The following RNF157 variants were observed in gnomAD, a reference collection of about 807,000 sequenced individuals.
RNF157 encodes E3 ubiquitin ligase RNF157.
Under a neutral mutation model 88.3 loss-of-function variants are expected in RNF157, and 55 were observed. That is an observed-to-expected ratio of 0.62 (90% CI 0.50 to 0.78). The LOEUF (loss-of-function observed/expected upper bound fraction) is 0.78, where lower values mean the gene tolerates loss of function less well. RNF157 is among the 30% of genes least tolerant of loss of function. The probability of loss-of-function intolerance (pLI) is 0.00; values close to 1 mark genes in which losing one functional copy is unlikely to be tolerated. For synonymous variants in RNF157, 334 were observed against 341.2 expected (o/e 0.98, Z 0.23); for missense variants, 788 against 860.8 (o/e 0.92, Z 1.06).
intron 2 of RNF157, among the ~76,000 whole-genome samples, chr17:76,203,139 C>T (rs772696079): frequency 2.0e-5 from 3 of 151,986 alleles, no homozygotes; most frequent in Non-Finnish European, 4.4e-5. Context: ...TACAGGCATG[C>T]ACCACCATGC....
At position 76,176,954 on chromosome 17, in the gene RNF157, G is replaced by A. The variant is rs4789248; in HGVS notation, c.208-3164C>T. The stretch of plus-strand genomic sequence containing the variant: ...CTCGGGAGGAGGTTCTGCGCAGCCC[G>A]TCTGGGGCTGCGCCCCCAGGTCTGC... On this transcript the variant is annotated intron_variant, in intron 2 of 18. Transcript: ENST00000269391. The surrounding 1 kb of genome is among the most constrained non-coding windows in gnomAD (Gnocchi z 4.2). Among the ~76,000 whole-genome samples, 735 of 152,240 alleles carry A rather than the reference G, an allele frequency of 4.8e-3. 20 individuals carry two copies. The highest frequency in any genetic ancestry group is 0.035 in the Admixed American group (536 of 15,302).
chr17:76,176,293 C>T lies in RNF157; in HGVS notation c.208-2503G>A, dbSNP rs1225773256. On this transcript the variant is annotated intron_variant, in intron 2 of 18. Transcript: ENST00000269391. This position sits in a 1 kb window ranked among gnomAD's most constrained non-coding sequence, Gnocchi z 4.2. ...AAATAAAGGAAGTGATCATTTCTGG[C>T]TGAGGTAATCTGAAGGCTTCATGGA... Among the ~76,000 whole-genome samples, 1 of 152,112 alleles carries T rather than the reference C, an allele frequency of 6.6e-6. No individual in the cohort carries two copies. Among genetic ancestry groups the T allele is most frequent in the Non-Finnish European group, 1.5e-5 (1 of 68,022 alleles).
At position 76,149,859 on chromosome 17, in the gene RNF157, C is replaced by A. The variant is rs1002273829; in HGVS notation, c.1921+2496G>T. Among the ~76,000 whole-genome samples the A allele has an allele frequency of 2.8e-4, 43 of 152,176 alleles. No homozygotes were observed. The East Asian group carries it at 7.9e-3, about 28-fold the overall frequency. On this transcript the variant is annotated intron_variant, in intron 18 of 18. Coordinates refer to ENST00000269391, the MANE Select transcript of RNF157 (RefSeq NM_052916.3). ...GACCACCCTGACCAACATGGTAAAA[C>A]TCCGTCTCTGCTAAAAATACAAAAA...
At chr17:76,212,981 G>A (rs1376783487) in intron 1 of RNF157, among the ~76,000 whole-genome samples, 1 of 152,126 alleles carries the variant, frequency 6.6e-6, no homozygotes, top group Non-Finnish European at 1.5e-5. Flanking sequence ...TCATAGCAGG[G>A]AAAACCCCAG....
At chr17:76,187,884 C>T (rs2069320389) in intron 2 of RNF157, among the ~76,000 whole-genome samples, 1 of 152,136 alleles carries the variant, frequency 6.6e-6, no homozygotes, top group East Asian at 1.9e-4. Flanking sequence ...AAGTGTGAGC[C>T]ACCACGCCCA....
intron 1 of RNF157, chr17:76,226,306 TG>T: frequency 6.2e-7 from 1 of 1,607,788 alleles, no homozygotes; most frequent in Non-Finnish European, 8.5e-7. Flanking sequence ...ACTGGACCCC[TG>T]GGGAAAGGGG....
At chr17:76,201,977 G>A (rs867104251) in intron 2 of RNF157, among the ~76,000 whole-genome samples, 6 of 151,966 alleles carry the variant, frequency 3.9e-5, no homozygotes, top group South Asian at 4.2e-4. Flanking sequence ...AAACAGTTGG[G>A]CCAAAGGGTA....
At chr17:76,196,763 C>A (rs551142172) in intron 2 of RNF157, among the ~76,000 whole-genome samples, 1 of 152,262 alleles carries the variant, frequency 6.6e-6, no homozygotes, top group South Asian at 2.1e-4. Context: ...ATCCAAGAGT[C>A]TTCCTGATTC....
intron 9 of RNF157, 90 bp from the exon 10 acceptor site, chr17:76,162,092 ATAAG>A (rs750936233): frequency 2.3e-6 from 3 of 1,328,054 alleles, no homozygotes; most frequent in East Asian, 2.4e-5. Context: ...AAGAGCTAAG[ATAAG>A]TAATAATTAC....
chr17:76,193,987 A>T lies in RNF157; in HGVS notation c.207+18377T>A, dbSNP rs533549192. 1.1e-4 allele frequency among the ~76,000 whole-genome samples: 17 copies of T among 152,296 alleles called. No homozygotes were observed. The South Asian group carries it at 3.3e-3, about 30-fold the overall frequency. ...CCACAAACGGGACTCCCTGGACTACATGGGAACCAGGCCACAGAGAAGGCA... is the reference window on the plus strand; with the variant it reads ...CCACAAACGGGACTCCCTGGACTACTTGGGAACCAGGCCACAGAGAAGGCA... On this transcript the variant is annotated intron_variant, in intron 2 of 18. Coordinates refer to ENST00000269391, the MANE Select transcript of RNF157 (RefSeq NM_052916.3).
chr17:76,194,164 T>C (rs2069434040), intron 2 of RNF157, among the ~76,000 whole-genome samples: 1 of 152,188 alleles, frequency 6.6e-6, no homozygotes, highest in Non-Finnish European at 1.5e-5. Flanking sequence ...GTAACCACCA[T>C]TACAAACAAA....
intron 13 of RNF157, among the ~76,000 whole-genome samples, chr17:76,156,977 T>C (rs1350993714): frequency 1.3e-5 from 2 of 152,036 alleles, no homozygotes; most frequent in Non-Finnish European, 2.9e-5. Flanking sequence ...ACTTTTTTTT[T>C]TTGAGATGGA....
At chr17:76,145,480 C>T (rs564839254) in intron 18 of RNF157, 127 bp from the exon 19 acceptor site, 65 of 646,558 alleles carry the variant, frequency 1.0e-4, no homozygotes, top group African/African-American at 7.2e-4. Context: ...ACTCCGATGA[C>T]GGTGCGAGCC....
At chr17:76,181,062 A>G (rs2069181086) in intron 2 of RNF157, among the ~76,000 whole-genome samples, 1 of 152,220 alleles carries the variant, frequency 6.6e-6, no homozygotes, top group South Asian at 2.1e-4. Context: ...TCACGTAATC[A>G]TCCAGGGTCC....
Position 76,240,140 on chromosome 17 carries a change from CG to C in RNF157, c.88+12del. 7.6e-7 allele frequency: 1 copy of C among 1,320,320 alleles called. No individual in the cohort carries two copies. The highest frequency in any genetic ancestry group is 2.4e-5 in the South Asian group (1 of 42,502). 81.8% of individuals were successfully genotyped at this position (1,320,320 alleles called of 1,614,324 possible). On this transcript the variant is annotated intron_variant, in intron 1 of 18. Coordinates refer to ENST00000269391, the MANE Select transcript of RNF157 (RefSeq NM_052916.3). The surrounding 1 kb of genome is among the most constrained non-coding windows in gnomAD (Gnocchi z 4.4). ...TCTCCCTCCTCGCGGCTGCGGCGCC[CG>C]CCCGCCCTCACCGGACTTGGGCGGG... is the stretch of plus-strand genomic sequence containing the variant.
chr17:76,162,680 G>T, intron 8 of RNF157, 57 bp from the exon 9 acceptor site: 4 of 1,269,546 alleles, frequency 3.2e-6, no homozygotes, highest in East Asian at 2.5e-5. Context: ...AGACAAGAGT[G>T]GGAACTCCCT....
intron 1 of RNF157, chr17:76,226,551 A>G: frequency 6.2e-7 from 1 of 1,613,660 alleles, no homozygotes; most frequent in East Asian, 2.2e-5. Context: ...ATTTTCTCCA[A>G]CATCCAATGT....
intron 12 of RNF157, among the ~76,000 whole-genome samples, chr17:76,158,730 G>C (rs982902600): frequency 6.6e-6 from 1 of 152,248 alleles, no homozygotes; most frequent in African/African-American, 2.4e-5. Context: ...GAGTAGGTCT[G>C]GGCTAACTTG....
At chr17:76,226,406 G>C in intron 1 of RNF157, 1 of 1,596,032 alleles carries the variant, frequency 6.3e-7, no homozygotes, top group Admixed American at 1.7e-5. Flanking sequence ...CATCTGGGGG[G>C]GCACCTTATT....
Sources: allele counts gnomAD v4.1 joint callset (sites outside exome capture counted in the v4.1 genomes callset), GRCh38; gene constraint gnomAD v4.1.1; non-coding constraint Gnocchi (gnomAD v3.1); transcripts MANE v1.5; gene names NCBI Gene and HGNC (gene_info 2026-07-23, HGNC 2026-07-21).